AGFG1: variants seen among roughly 807,000 people sequenced by gnomAD.
AGFG1 encodes the protein arf-GAP domain and FG repeat-containing protein 1.
Under a neutral mutation model 60.6 loss-of-function variants are expected in AGFG1, and 10 were observed. The observed-to-expected ratio is 0.16, with a 90% CI of 0.10 to 0.28. AGFG1 has a LOEUF of 0.28. AGFG1 is among the 10% of genes least tolerant of loss of function. The pLI is 1.00. For synonymous variants in AGFG1, 247 were observed against 242.9 expected (o/e 1.02, Z -0.16); for missense variants, 537 against 676.5 (o/e 0.79, Z 2.29).
chr2:227,525,223 C>CTAA (rs1326683023), intron 5 of AGFG1, among the ~76,000 whole-genome samples: 4 of 152,112 alleles, frequency 2.6e-5, no homozygotes, highest in Admixed American at 6.5e-5. Flanking sequence ...CGTTTATGTG[C>CTAA]TAATCACTCA....
At chr2:227,479,392 T>G (rs2106153954) in intron 1 of AGFG1, among the ~76,000 whole-genome samples, 1 of 152,310 alleles carries the variant, frequency 6.6e-6, no homozygotes, top group South Asian at 2.1e-4. Context: ...TAGATTAAAT[T>G]TACATTAAAT....
At chr2:227,513,741 TTC>T (rs1394797780) in intron 2 of AGFG1, among the ~76,000 whole-genome samples, 2 of 152,248 alleles carry the variant, frequency 1.3e-5, no homozygotes, top group African/African-American at 4.8e-5. Flanking sequence ...ATGTTTTAGA[TTC>T]TGTCAGTGTC....
chr2:227,513,414 AAGG>A lies in AGFG1; in HGVS notation c.262-6528_262-6526del, dbSNP rs1691551721. ...GGAACATTTTCAGCTGATTGAAGGA[AAGG>A]AGGAGAGAGAGGTTAGGATTTTTAC... is the stretch of plus-strand genomic sequence containing the variant. On this transcript the variant is annotated intron_variant, in intron 2 of 12. Coordinates refer to ENST00000310078, the MANE Select transcript of AGFG1 (RefSeq NM_004504.5). Among the ~76,000 whole-genome samples the A allele has an allele frequency of 2.6e-5, 4 of 152,174 alleles. No homozygotes were observed. The South Asian group carries it at 8.3e-4, about 32-fold the overall frequency.
chr2:227,521,856 T>G (rs1025442232), intron 3 of AGFG1, among the ~76,000 whole-genome samples: 4 of 152,162 alleles, frequency 2.6e-5, no homozygotes, highest in Non-Finnish European at 5.9e-5. Context: ...TAATTACAGT[T>G]TATGTTATTT....
At position 227,510,018 on chromosome 2, in the gene AGFG1, T is replaced by C. The variant is rs550688698; in HGVS notation, c.262-9930T>C. On this transcript the variant is annotated intron_variant, in intron 2 of 12. Transcript: ENST00000310078. ...CATACCATACAGGGTAATTTACTTA[T>C]GTTATCTTAGTTTGAGATAGTTGGG... is the stretch of plus-strand genomic sequence containing the variant. 5.3e-5 allele frequency among the ~76,000 whole-genome samples: 8 copies of C among 152,342 alleles called. No homozygotes were observed. In the South Asian group the frequency reaches 8.3e-4, roughly 16 times the overall value.
intron 2 of AGFG1, among the ~76,000 whole-genome samples, chr2:227,515,429 C>G (rs561265962): frequency 2.6e-5 from 4 of 152,216 alleles, no homozygotes; most frequent in Non-Finnish European, 5.9e-5. Flanking sequence ...CACTGATTCT[C>G]TCTTCCTGGC....
chr2:227,499,653 A>AT (rs398039892), intron 2 of AGFG1, among the ~76,000 whole-genome samples: 1 of 150,830 alleles, frequency 6.6e-6, no homozygotes, highest in Non-Finnish European at 1.5e-5. Context: ...AAAAAAAAAA[A>AT]GGAAGAAAAA....
At chr2:227,522,137 G>A (rs887717880) in intron 3 of AGFG1, among the ~76,000 whole-genome samples, 1 of 152,124 alleles carries the variant, frequency 6.6e-6, no homozygotes, top group Non-Finnish European at 1.5e-5. Flanking sequence ...CTGTTCTTTT[G>A]ACCAGTTCTC....
At chr2:227,528,419 C>A (rs971649136) in intron 5 of AGFG1, among the ~76,000 whole-genome samples, 3 of 152,090 alleles carry the variant, frequency 2.0e-5, no homozygotes, top group African/African-American at 7.2e-5. Flanking sequence ...ACCTCTTTCC[C>A]CGTAACCCTC....
Position 227,555,541 on chromosome 2 carries a change from A to T in AGFG1, c.*1046A>T, listed in dbSNP as rs569728260. 13 of 152,444 alleles carry T rather than the reference A, an allele frequency of 8.5e-5. No homozygotes were observed. In the East Asian group the frequency reaches 2.5e-3, roughly 29 times the overall value. 9.4% of individuals were successfully genotyped at this position (152,444 alleles called of 1,614,324 possible). A position where few individuals can be genotyped will look rare whatever the true frequency, so the allele number is the denominator to read the frequency against. ...ATTAACTGTGACATTATTGCACCTC[A>T]GTTTTTTTCTTTCTTTTTTTGGGCA... On this transcript the variant is annotated 3_prime_UTR_variant, in exon 13 of 13. Coordinates refer to ENST00000310078, the MANE Select transcript of AGFG1 (RefSeq NM_004504.5).
chr2:227,534,193 C>G (rs564423991), intron 7 of AGFG1, among the ~76,000 whole-genome samples: 1 of 151,890 alleles, frequency 6.6e-6, no homozygotes, highest in Non-Finnish European at 1.5e-5. Flanking sequence ...AGTCTTGTAT[C>G]CAGTTTTATC....
At chr2:227,496,951 A>G (rs895299237) in intron 2 of AGFG1, among the ~76,000 whole-genome samples, 6 of 152,214 alleles carry the variant, frequency 3.9e-5, no homozygotes, top group African/African-American at 9.7e-5. Context: ...GAGTTTAATA[A>G]TAATGAAAAT....
At chr2:227,533,861 T>C in intron 7 of AGFG1, 103 bp downstream of exon 7, 2 of 1,128,968 alleles carry the variant, frequency 1.8e-6, no homozygotes, top group Non-Finnish European at 2.5e-6. Flanking sequence ...TCTCAGTTGT[T>C]GTATAGAAAT....
chr2:227,530,422 A>G (rs1692124358), intron 5 of AGFG1, among the ~76,000 whole-genome samples: 1 of 152,172 alleles, frequency 6.6e-6, no homozygotes, highest in African/African-American at 2.4e-5. Context: ...TGTCTTGCCT[A>G]TTTAATAGGT....
At chr2:227,506,980 T>C (rs1341595334) in intron 2 of AGFG1, among the ~76,000 whole-genome samples, 1 of 152,136 alleles carries the variant, frequency 6.6e-6, no homozygotes, top group African/African-American at 2.4e-5. Flanking sequence ...ATTTCATAGG[T>C]TGTGTGGTGT....
intron 2 of AGFG1, among the ~76,000 whole-genome samples, chr2:227,514,205 C>T (rs1375688935): frequency 6.6e-6 from 1 of 152,020 alleles, no homozygotes. Context: ...AGTAATATAA[C>T]TAATACAATT....
chr2:227,482,516 A>G (rs998409269), intron 1 of AGFG1, among the ~76,000 whole-genome samples: 2 of 152,200 alleles, frequency 1.3e-5, no homozygotes, highest in African/African-American at 4.8e-5. Flanking sequence ...AAACATATGT[A>G]ATATTTTTAG....
At chr2:227,497,165 T>TCC (rs11422803) in intron 2 of AGFG1, among the ~76,000 whole-genome samples, 43 of 137,418 alleles carry the variant, frequency 3.1e-4, no homozygotes, top group South Asian at 1.6e-3. Flanking sequence ...CACCCCCTCT[T>TCC]CCCCCCCCAC....
At chr2:227,514,570 C>G (rs1265634900) in intron 2 of AGFG1, among the ~76,000 whole-genome samples, 1 of 152,128 alleles carries the variant, frequency 6.6e-6, no homozygotes, top group Non-Finnish European at 1.5e-5. Context: ...CTAAACCTCC[C>G]TATGAAATAG....
Sources: gnomAD v4.1 joint callset for allele counts (sites outside exome capture counted in the v4.1 genomes callset) on GRCh38, gnomAD v4.1.1 for gene constraint, MANE v1.5 for transcripts, NCBI Gene and HGNC (gene_info 2026-07-23, HGNC 2026-07-21) for gene names.